Variants in DACT2 observed in about 807,000 individuals in gnomAD.
The protein encoded by DACT2 is dapper homolog 2.
Under a neutral mutation model 22.2 loss-of-function variants are expected in DACT2, and 20 were observed. The ratio of observed to expected loss-of-function variants is 0.90; its 90% CI spans 0.63 to 1.31. The LOEUF (loss-of-function observed/expected upper bound fraction) is 1.31, where lower values mean the gene tolerates loss of function less well. Among genes scored for constraint, DACT2 ranks in the 50% most tolerant of loss-of-function variants. The pLI is 0.00. For synonymous variants in DACT2, 463 were observed against 479.8 expected (o/e 0.96, Z 0.46); for missense variants, 1,048 against 1,061.4 (o/e 0.99, Z 0.18).
At position 168,307,929 on chromosome 6, in the gene DACT2, G is replaced by A. The variant is rs1779261589; in HGVS notation, c.1828C>T (p.Gln610Ter). ...SVARRKHRRW[Q>*]STVEISARAR... ...CGGGCCGAGATCTCCACGGTGGACT[G>A]CCAGCGGCGATGCTTCCTCCTGGCC... The change falls in exon 4 of 4, where the codon CAG becomes TAG. Residue 610 changes from glutamine to a stop codon, truncating the protein, a stop_gained. Coordinates refer to ENST00000366795, the MANE Select transcript of DACT2 (RefSeq NM_214462.5). LOFTEE classifies it low-confidence loss of function (END_TRUNC). The surrounding 1 kb of genome is among the most constrained non-coding windows in gnomAD (Gnocchi z 5.3). 6.5e-7 allele frequency: 1 copy of A among 1,547,074 alleles called. No homozygotes were observed. The highest frequency in any genetic ancestry group is 8.7e-7 in the Non-Finnish European group (1 of 1,146,822).
chr6:168,300,295 G>A (rs1178158749), intron 3 of DACT2: 1 of 152,344 alleles, frequency 6.6e-6, no homozygotes, highest in Non-Finnish European at 1.5e-5. Flanking sequence ...TCAGCCTTGG[G>A]AGCGTCCCTC....
chr6:168,311,325 G>A lies in DACT2; in HGVS notation c.247-41C>T, dbSNP rs1310112503. On this transcript the variant is annotated intron_variant, in intron 1 of 3. Transcript: ENST00000366795. ...AGAGAAAGGGAACTGTTGTACCTAT[G>A]GAAAGCAAAACTTAAGGCTCAAAGG... The A allele has an allele frequency of 2.0e-6, 3 of 1,508,988 alleles. No individual in the cohort carries two copies. In the South Asian group the frequency reaches 3.7e-5, roughly 19 times the overall value. The allele number at this position is 1,508,988 out of a possible 1,614,324, so 93.5% of individuals were successfully genotyped here.
chr6:168,292,905 T>C (rs1370673787), exon 6 of DACT2: 2 of 152,196 alleles, frequency 1.3e-5, no homozygotes, highest in Non-Finnish European at 2.9e-5. Context: ...CTGGTTTAGC[T>C]TTGGGATGAA....
intron 3 of DACT2, among the ~76,000 whole-genome samples, chr6:168,296,759 A>C (rs370909699): frequency 1.3e-5 from 2 of 152,224 alleles, no homozygotes; most frequent in East Asian, 3.9e-4. Flanking sequence ...CTACAAATAC[A>C]ACTTTTTAAA....
intron 3 of DACT2, among the ~76,000 whole-genome samples, chr6:168,295,901 C>T (rs892166071): frequency 2.0e-5 from 3 of 152,262 alleles, no homozygotes; most frequent in Non-Finnish European, 4.4e-5. Context: ...ATAGCTGTGT[C>T]CCCAGGAGGA....
At position 168,308,654 on chromosome 6, in the gene DACT2, T is replaced by C; in HGVS notation, c.1103A>G (p.Gln368Arg). ...TCCACCGTCTGTACTCCAGCCACCC[T>C]GCCTCTGTGGAGATGGGGACGCTGC... ...RHAASPSPQR[Q>R]GGWSTDGGGR... is the part of the protein sequence containing the mutation. The change falls in exon 4 of 4, where the codon CAG becomes CGG. Residue 368 changes from glutamine to arginine, a missense_variant. Transcript: ENST00000366795. 6 of 1,544,708 alleles carry C rather than the reference T, an allele frequency of 3.9e-6. No individual in the cohort carries two copies. The highest frequency in any genetic ancestry group is 5.2e-6 in the Non-Finnish European group (6 of 1,146,950).
intron 1 of DACT2, among the ~76,000 whole-genome samples, chr6:168,312,930 T>C (rs1779456162): frequency 6.6e-6 from 1 of 152,202 alleles, no homozygotes; most frequent in African/African-American, 2.4e-5. Context: ...GGTGAGGGGA[T>C]GGAGGCCAGG....
At position 168,310,202 on chromosome 6, in the gene DACT2, C is replaced by G. The variant is rs773399129; in HGVS notation, c.624G>C (p.Pro208=). ...PPGSVEDAGQ[P]WGTFWPRPVS... is the part of the protein sequence containing the mutation. ...CAGGCCTGGGCCAGAATGTGCCCCA[C>G]GGCTGGCCTGCATCCTCCACGCTCC... Residue 208 remains proline, a synonymous_variant, in exon 3 of 4, where the codon CCG becomes CCC. Transcript: ENST00000366795. 3 of 1,550,652 alleles carry G rather than the reference C, an allele frequency of 1.9e-6. No homozygotes were observed. In the Middle Eastern group the frequency reaches 5.2e-4, roughly 269 times the overall value.
Position 168,319,372 on chromosome 6 carries a change from G to A in DACT2, c.246+16C>T. ...CGCACACCTCGCAGCCCCGAGTCCCGGCGCCCGGTCCTTACCAGCTGCTCC... is the reference window on the plus strand; with the variant it reads ...CGCACACCTCGCAGCCCCGAGTCCCAGCGCCCGGTCCTTACCAGCTGCTCC... On this transcript the variant is annotated intron_variant, in intron 1 of 3. Coordinates refer to ENST00000366795, the MANE Select transcript of DACT2 (RefSeq NM_214462.5). 3.3e-6 allele frequency: 4 copies of A among 1,197,598 alleles called. No individual in the cohort carries two copies. The highest frequency in any genetic ancestry group is 4.1e-6 in the Non-Finnish European group (4 of 966,086). 74.2% of individuals were successfully genotyped at this position (1,197,598 alleles called of 1,614,324 possible).
In DACT2 at chr6:168,308,575, C is replaced by G. The variant is rs1306053488; in HGVS notation, c.1182G>C (p.Gln394His). 3 of 1,520,314 alleles carry G rather than the reference C, an allele frequency of 2.0e-6. No homozygotes were observed. The Middle Eastern group carries it at 5.2e-4, about 261-fold the overall frequency. 94.2% of individuals were successfully genotyped at this position (1,520,314 alleles called of 1,614,324 possible). The change falls in exon 4 of 4, where the codon CAG (glutamine) becomes CAC (histidine). Residue 394 changes from glutamine to histidine, a missense_variant. Physicochemically the swap from Gln to His is conservative, Grantham distance 24. Coordinates refer to ENST00000366795, the MANE Select transcript of DACT2 (RefSeq NM_214462.5). The part of the protein sequence containing the change: ...PGREDEGGPA[Q>H]SRGAGRGGPQ... ...GCCCGCCCCTGCCGGCACCCCTGCT[C>G]TGAGCTGGCCCTCCCTCGTCCTCCC...
downstream of DACT2, among the ~76,000 whole-genome samples, chr6:168,306,191 C>T (rs561949489): frequency 6.6e-6 from 1 of 152,316 alleles, no homozygotes; most frequent in East Asian, 1.9e-4. Flanking sequence ...CGATCTTGCC[C>T]CACTGCATCA....
intron 1 of DACT2, 33 bp from the exon 2 acceptor site, chr6:168,311,317 G>A (rs753470171): frequency 2.2e-5 from 34 of 1,517,060 alleles, no homozygotes; most frequent in Non-Finnish European, 3.0e-5. Context: ...GGGAACTGTT[G>A]TACCTATGGA....
intron 1 of DACT2, among the ~76,000 whole-genome samples, chr6:168,311,543 C>T (rs538299713): frequency 4.2e-4 from 26 of 61,784 alleles, no homozygotes; most frequent in African/African-American, 2.3e-3. Flanking sequence ...CACCCATCCA[C>T]ACACACATAC....
intron 1 of DACT2, among the ~76,000 whole-genome samples, chr6:168,318,876 C>T (rs535887155): frequency 1.3e-5 from 2 of 152,262 alleles, no homozygotes; most frequent in East Asian, 3.9e-4. Context: ...AGTGACGCGA[C>T]CTTAAGAAAA....
At chr6:168,310,123 C>T (rs2114910019) in intron 3 of DACT2, 45 bp downstream of exon 3, 3 of 1,543,908 alleles carry the variant, frequency 1.9e-6, no homozygotes, top group Non-Finnish European at 2.6e-6. Context: ...TCTGCCATCC[C>T]CTGTGCCTGA....
In DACT2 at chr6:168,319,664, C is replaced by T; in HGVS notation, c.-31G>A. 8.3e-7 allele frequency: 1 copy of T among 1,212,108 alleles called. No individual in the cohort carries two copies. Among genetic ancestry groups the T allele is most frequent in the South Asian group, 3.5e-5 (1 of 28,736 alleles). The allele number at this position is 1,212,108 out of a possible 1,614,324, so 75.1% of individuals were successfully genotyped here. ...GGGCAGGGTCCCGGCCTCCCGAACC[C>T]CACGAGCGGCGCCGGAGGCCCAGCG... On this transcript the variant is annotated 5_prime_UTR_variant, in exon 1 of 4. Coordinates refer to ENST00000366795, the MANE Select transcript of DACT2 (RefSeq NM_214462.5).
intron 3 of DACT2, 43 bp downstream of exon 3, chr6:168,310,125 T>G: frequency 1.3e-6 from 2 of 1,543,968 alleles, no homozygotes; most frequent in Non-Finnish European, 1.7e-6. Context: ...TGCCATCCCC[T>G]GTGCCTGAGA....
chr6:168,302,922 A>G (rs971063596), downstream of DACT2, among the ~76,000 whole-genome samples: 2 of 152,250 alleles, frequency 1.3e-5, no homozygotes, highest in African/African-American at 4.8e-5. Context: ...TTCAAAGCCT[A>G]GCAGGGCCAA....
intron 1 of DACT2, among the ~76,000 whole-genome samples, 160 bp from the exon 2 acceptor site, chr6:168,311,444 G>A (rs1199951630): frequency 6.6e-6 from 1 of 152,108 alleles, no homozygotes. Context: ...TCACTCTGAA[G>A]CAATTTCCTT....
Sources: gnomAD v4.1 joint callset for allele counts (sites outside exome capture counted in the v4.1 genomes callset) on GRCh38, gnomAD v4.1.1 for gene constraint, Gnocchi (gnomAD v3.1) non-coding constraint, MANE v1.5 for transcripts, NCBI Gene and HGNC (gene_info 2026-07-23, HGNC 2026-07-21) for gene names.